SMIM14: variants seen among roughly 807,000 people sequenced by gnomAD.
SMIM14 encodes chromosome 4 open reading frame 34.
In SMIM14, 5 loss-of-function variants were observed where a neutral mutation model predicts 12.6. The ratio of observed to expected loss-of-function variants is 0.40; its 90% CI spans 0.21 to 0.83. The LOEUF (loss-of-function observed/expected upper bound fraction) is 0.83. Ranked by LOEUF, SMIM14 falls within the 40% of genes least tolerant of loss-of-function variation. SMIM14 has a pLI of 0.37. For missense variants in SMIM14, 86 were observed against 119.1 expected, an observed-to-expected ratio of 0.72 and a Z score of 1.29; for synonymous variants, 30 against 40.1, an observed-to-expected ratio of 0.75 and a Z score of 0.95.
At chr4:39,561,394 G>A (rs1712301493) in intron 3 of SMIM14, among the ~76,000 whole-genome samples, 1 of 152,154 alleles carries the variant, frequency 6.6e-6, no homozygotes, top group African/African-American at 2.4e-5. Flanking sequence ...CTTGAGCTCA[G>A]GAGCTCAAGA....
intron 1 of SMIM14, among the ~76,000 whole-genome samples, chr4:39,621,606 G>A (rs901293899): frequency 5.9e-5 from 9 of 151,774 alleles, no homozygotes; most frequent in South Asian, 4.2e-4. Flanking sequence ...AGTGAAAAAT[G>A]GGGATGATCT....
At chr4:39,602,462 G>A (rs1381174906) in intron 2 of SMIM14, among the ~76,000 whole-genome samples, 1 of 152,094 alleles carries the variant, frequency 6.6e-6, no homozygotes, top group Non-Finnish European at 1.5e-5. Flanking sequence ...GGGCGTGGTG[G>A]CAGGCGCCTG....
At chr4:39,562,855 G>T (rs1479969329) in intron 3 of SMIM14, among the ~76,000 whole-genome samples, 2 of 141,022 alleles carry the variant, frequency 1.4e-5, no homozygotes, top group African/African-American at 6.1e-5. Flanking sequence ...TGTTGCCAAG[G>T]CTTGTCCCTA....
intron 3 of SMIM14, among the ~76,000 whole-genome samples, chr4:39,565,705 C>T (rs985951192): frequency 3.3e-5 from 5 of 152,086 alleles, no homozygotes; most frequent in South Asian, 2.1e-4. Flanking sequence ...TTTTGAAAAA[C>T]GAGAAACAGA....
At chr4:39,626,129 G>T (rs566000106) in intron 1 of SMIM14, among the ~76,000 whole-genome samples, 1 of 152,248 alleles carries the variant, frequency 6.6e-6, no homozygotes, top group South Asian at 2.1e-4. Context: ...AGGGATCTAG[G>T]CTGCACGATC....
chr4:39,627,540 C>T (rs1057124394), intron 1 of SMIM14, among the ~76,000 whole-genome samples: 13 of 152,096 alleles, frequency 8.5e-5, no homozygotes, highest in African/African-American at 1.7e-4. Context: ...TAAACAGTTG[C>T]GCAAAGATCA....
intron 2 of SMIM14, among the ~76,000 whole-genome samples, chr4:39,573,993 C>T (rs946056400): frequency 1.3e-5 from 2 of 152,110 alleles, no homozygotes; most frequent in Admixed American, 1.3e-4. Flanking sequence ...ATGCTGAGAC[C>T]TTTTACGATG....
Position 39,556,582 on chromosome 4 carries a change from C to CA in SMIM14, c.125-13dup. The CA allele has an allele frequency of 6.4e-7, 1 of 1,572,562 alleles. No individual in the cohort carries two copies. The highest frequency in any genetic ancestry group is 2.1e-5 in the Admixed American group (1 of 48,402). ...AGAGGGTCCCGGTACTAAAGACAAA[C>CA]AAAAAATGTAGCATGCTCACAATAT... On this transcript the variant is annotated splice_polypyrimidine_tract_variant and intron_variant, in intron 3 of 4. Coordinates refer to ENST00000295958, the MANE Select transcript of SMIM14 (RefSeq NM_174921.3).
intron 1 of SMIM14, among the ~76,000 whole-genome samples, chr4:39,632,733 G>A (rs946625096): frequency 6.8e-5 from 10 of 148,084 alleles, no homozygotes; most frequent in East Asian, 4.1e-4. Flanking sequence ...AGCCGAGATC[G>A]CCCCACTGCA....
chr4:39,596,296 T>C (rs937641468), intron 2 of SMIM14, among the ~76,000 whole-genome samples: 1 of 152,150 alleles, frequency 6.6e-6, no homozygotes, highest in African/African-American at 2.4e-5. Flanking sequence ...GGTTTCTCCA[T>C]GTTAGTCAGG....
chr4:39,620,698 G>A (rs1010689340), intron 1 of SMIM14, among the ~76,000 whole-genome samples: 1 of 152,142 alleles, frequency 6.6e-6, no homozygotes, highest in East Asian at 1.9e-4. Flanking sequence ...TAATGAAAAC[G>A]ATATTTTACT....
At chr4:39,587,635 G>A (rs894184558) in intron 2 of SMIM14, among the ~76,000 whole-genome samples, 1 of 151,854 alleles carries the variant, frequency 6.6e-6, no homozygotes, top group African/African-American at 2.4e-5. Flanking sequence ...GCCAGACTCT[G>A]TGGCTCATGC....
chr4:39,617,788 A>C (rs1430522861), intron 1 of SMIM14, among the ~76,000 whole-genome samples: 2 of 152,226 alleles, frequency 1.3e-5, no homozygotes, highest in African/African-American at 4.8e-5. Flanking sequence ...AGAGAATCTA[A>C]ACAATGAAAC....
intron 1 of SMIM14, among the ~76,000 whole-genome samples, chr4:39,623,721 G>C (rs767389609): frequency 7.9e-5 from 12 of 152,102 alleles, no homozygotes; most frequent in Admixed American, 2.0e-4. Context: ...AATTAGCCGG[G>C]TGTGGTGGTG....
chr4:39,602,510 G>A (rs985801803), intron 2 of SMIM14, among the ~76,000 whole-genome samples: 4 of 151,958 alleles, frequency 2.6e-5, no homozygotes, highest in African/African-American at 4.8e-5. Context: ...CATGAGAATC[G>A]TTTGAATCCA....
chr4:39,632,395 A>G (rs1477409875), intron 1 of SMIM14, among the ~76,000 whole-genome samples: 2 of 149,278 alleles, frequency 1.3e-5, no homozygotes, highest in Non-Finnish European at 3.0e-5. Context: ...CTGGAGAATC[A>G]CTTGAACCCG....
chr4:39,595,592 G>A (rs541794681), intron 2 of SMIM14, among the ~76,000 whole-genome samples: 2 of 150,372 alleles, frequency 1.3e-5, no homozygotes, highest in South Asian at 4.2e-4. Context: ...CAATGAAAAC[G>A]TTTTCTGTAA....
In SMIM14 at chr4:39,587,405, A is replaced by G. The variant is rs573538955; in HGVS notation, c.76-14942T>C. On this transcript the variant is annotated intron_variant, in intron 2 of 4. Transcript: ENST00000295958. ...CCAGCTACTCGGGAGGCTGAGGCAG[A>G]AGAATGGCATGAAACAGGGACGTGG... is the stretch of plus-strand genomic sequence containing the variant. 2.0e-5 allele frequency among the ~76,000 whole-genome samples: 3 copies of G among 150,078 alleles called. No homozygotes were observed. In the East Asian group the frequency reaches 5.9e-4, roughly 30 times the overall value.
chr4:39,635,762 T>C (rs1716063435), intron 1 of SMIM14, among the ~76,000 whole-genome samples: 1 of 152,184 alleles, frequency 6.6e-6, no homozygotes, highest in African/African-American at 2.4e-5. Flanking sequence ...GTTCATGGCA[T>C]GTACTTATCC....
Sources: allele counts gnomAD v4.1 joint callset (sites outside exome capture counted in the v4.1 genomes callset), GRCh38; gene constraint gnomAD v4.1.1; transcripts MANE v1.5; gene names NCBI Gene and HGNC (gene_info 2026-07-23, HGNC 2026-07-21).